GLRB: variants seen among roughly 807,000 people sequenced by gnomAD.
GLRB encodes glycine receptor beta.
A neutral mutation model predicts 54.2 loss-of-function variants in GLRB; 33 were observed. The observed-to-expected ratio is 0.61, with a 90% confidence interval of 0.46 to 0.81. The LOEUF (loss-of-function observed/expected upper bound fraction) is 0.81, where lower values mean the gene tolerates loss of function less well. Ranked by LOEUF, GLRB falls within the 40% of genes least tolerant of loss-of-function variation. The probability of loss-of-function intolerance (pLI) is 0.00; values close to 1 mark genes in which losing one functional copy is unlikely to be tolerated. For missense variants in GLRB, 572 were observed against 584.6 expected (o/e 0.98, Z 0.22); for synonymous variants, 209 against 208.2 (o/e 1.00, Z -0.03).
At chr4:157,129,731 A>C (rs556143866) in intron 4 of GLRB, among the ~76,000 whole-genome samples, 3 of 151,660 alleles carry the variant, frequency 2.0e-5, no homozygotes, top group African/African-American at 7.2e-5. Context: ...AAACAAAATA[A>C]TTGGGGTAGA....
intron 7 of GLRB, 137 bp from the exon 8 acceptor site, chr4:157,143,669 GA>G: frequency 1.2e-6 from 1 of 844,766 alleles, no homozygotes; most frequent in Non-Finnish European, 1.9e-6. Context: ...TATCTGCAAA[GA>G]AAAACTTTTT....
chr4:157,088,320 A>G (rs1418163658), intron 2 of GLRB, among the ~76,000 whole-genome samples: 2 of 152,176 alleles, frequency 1.3e-5, no homozygotes, highest in African/African-American at 4.8e-5. Context: ...TCTTATTGCA[A>G]CATTCTTTAA....
intron 2 of GLRB, among the ~76,000 whole-genome samples, chr4:157,118,920 T>C (rs1160522110): frequency 6.6e-6 from 1 of 151,614 alleles, no homozygotes; most frequent in Non-Finnish European, 1.5e-5. Context: ...CTTGTGATTG[T>C]CATGGATTTT....
chr4:157,088,742 G>C (rs1349104375), intron 2 of GLRB, among the ~76,000 whole-genome samples: 3 of 152,080 alleles, frequency 2.0e-5, no homozygotes, highest in Non-Finnish European at 4.4e-5. Flanking sequence ...CTTCTGAGAT[G>C]TACCTTTTAG....
At chr4:157,153,918 A>T (rs544444387) in intron 9 of GLRB, among the ~76,000 whole-genome samples, 1 of 152,210 alleles carries the variant, frequency 6.6e-6, no homozygotes, top group Non-Finnish European at 1.5e-5. Context: ...CCTCACCTAG[A>T]ATGCTAGACT....
At chr4:157,092,542 G>A (rs1734658088) in intron 2 of GLRB, among the ~76,000 whole-genome samples, 1 of 152,080 alleles carries the variant, frequency 6.6e-6, no homozygotes, top group Non-Finnish European at 1.5e-5. Flanking sequence ...GTTAAATATA[G>A]AACACCTAAT....
intron 2 of GLRB, among the ~76,000 whole-genome samples, chr4:157,080,158 C>G (rs550817304): frequency 6.6e-6 from 1 of 152,190 alleles, no homozygotes; most frequent in South Asian, 2.1e-4. Flanking sequence ...TTATTTAAGA[C>G]AGATTTTCAA....
chr4:157,089,251 A>G (rs1462825327), intron 2 of GLRB, among the ~76,000 whole-genome samples: 1 of 151,834 alleles, frequency 6.6e-6, no homozygotes. Flanking sequence ...AAATTAGCCA[A>G]GCATGGGGGA....
intron 4 of GLRB, among the ~76,000 whole-genome samples, chr4:157,128,497 G>C (rs1398165207): frequency 6.6e-6 from 1 of 151,816 alleles, no homozygotes; most frequent in Admixed American, 6.6e-5. Flanking sequence ...GAACTGAACT[G>C]TCAACATGAT....
intron 8 of GLRB, among the ~76,000 whole-genome samples, chr4:157,146,824 C>T (rs1736830401): frequency 1.3e-5 from 2 of 151,160 alleles, no homozygotes; most frequent in Admixed American, 6.6e-5. Context: ...CCATCCCCCA[C>T]CTCCCCCCGC....
intron 2 of GLRB, among the ~76,000 whole-genome samples, chr4:157,093,709 C>T (rs974178679): frequency 6.4e-5 from 9 of 139,762 alleles, no homozygotes; most frequent in African/African-American, 1.4e-4. Context: ...GAGCTGAGAT[C>T]GTGCCACTGC....
chr4:157,095,675 T>A (rs1734782930), intron 2 of GLRB, among the ~76,000 whole-genome samples: 1 of 152,044 alleles, frequency 6.6e-6, no homozygotes. Context: ...AAAACTTTTT[T>A]TAAAAAGACA....
intron 2 of GLRB, among the ~76,000 whole-genome samples, chr4:157,084,294 T>A (rs1182796228): frequency 6.6e-6 from 1 of 152,310 alleles, no homozygotes; most frequent in Non-Finnish European, 1.5e-5. Flanking sequence ...GTTTCAAACA[T>A]TTAATAGCTT....
chr4:157,143,678 T>C (rs1736697655), intron 7 of GLRB, 129 bp from the exon 8 acceptor site: 1 of 909,328 alleles, frequency 1.1e-6, no homozygotes, highest in East Asian at 2.6e-5. Flanking sequence ...AGAAAAACTT[T>C]TTTTTGAGGC....
intron 2 of GLRB, among the ~76,000 whole-genome samples, chr4:157,097,910 C>G (rs1734873108): frequency 6.6e-6 from 1 of 152,070 alleles, no homozygotes; most frequent in Non-Finnish European, 1.5e-5. Flanking sequence ...AATCCCAGCT[C>G]CTTGGGAGGC....
At position 157,150,061 on chromosome 4, in the gene GLRB, A is replaced by G. The variant is rs191872809; in HGVS notation, c.905-2657A>G. 4.6e-5 allele frequency among the ~76,000 whole-genome samples: 7 copies of G among 152,192 alleles called. No homozygotes were observed. In the East Asian group the frequency reaches 1.2e-3, roughly 25 times the overall value. On this transcript the variant is annotated intron_variant, in intron 8 of 9. Transcript: ENST00000264428. Reference sequence around the variant, plus strand: ...CTTGAAAAATTGAGATGATTTTGTCATTATACAATTCTGTCTCCATGTTGA... The same window carrying G: ...CTTGAAAAATTGAGATGATTTTGTCGTTATACAATTCTGTCTCCATGTTGA...
chr4:157,102,956 G>A (rs1735087836), intron 2 of GLRB, among the ~76,000 whole-genome samples: 1 of 152,068 alleles, frequency 6.6e-6, no homozygotes, highest in Non-Finnish European at 1.5e-5. Flanking sequence ...CACAAGGTCA[G>A]GAGTTTGAGA....
chr4:157,087,226 A>G (rs1379832369), intron 2 of GLRB, among the ~76,000 whole-genome samples: 1 of 152,168 alleles, frequency 6.6e-6, no homozygotes, highest in Non-Finnish European at 1.5e-5. Context: ...TAGAGATAAA[A>G]CATATATTGT....
intron 2 of GLRB, among the ~76,000 whole-genome samples, chr4:157,104,866 C>T (rs1735163089): frequency 6.6e-6 from 1 of 151,872 alleles, no homozygotes; most frequent in Admixed American, 6.6e-5. Context: ...TAGTCTCTTA[C>T]AATCGTTTGT....
Sources: gnomAD v4.1 joint callset for allele counts (sites outside exome capture counted in the v4.1 genomes callset) on GRCh38, gnomAD v4.1.1 for gene constraint, MANE v1.5 for transcripts, NCBI Gene and HGNC (gene_info 2026-07-23, HGNC 2026-07-21) for gene names.